GALNT5: variants seen among roughly 807,000 people sequenced by gnomAD.
The protein encoded by GALNT5 is UDP-GalNAc:polypeptide N-acetylgalactosaminyltransferase 5.
In GALNT5, 72 loss-of-function variants were observed where a neutral mutation model predicts 85.4. The observed-to-expected ratio is 0.84, with a 90% CI of 0.70 to 1.03. The LOEUF (loss-of-function observed/expected upper bound fraction) is 1.03. Ranked by LOEUF, GALNT5 falls within the 50% of genes least tolerant of loss-of-function variation. The pLI is 0.00. For missense variants in GALNT5, 1,137 were observed against 1,135.5 expected, an observed-to-expected ratio of 1.00 and a Z score of -0.02; for synonymous variants, 404 against 397.0, an observed-to-expected ratio of 1.02 and a Z score of -0.21.
In GALNT5 at chr2:157,311,559, T is replaced by C. The variant is rs558305477; in HGVS notation, c.*211T>C. The C allele has an allele frequency of 2.0e-5, 9 of 442,260 alleles. No individual in the cohort carries two copies. The South Asian group carries it at 2.6e-4, about 13-fold the overall frequency. The allele number at this position is 442,260 out of a possible 1,614,324, so 27.4% of individuals were successfully genotyped here. ...ACTGAAGTCCTTCTTCGGAACTGGG[T>C]GGCCTTTGAATTGCCTGCTTTCCAC... On this transcript the variant is annotated 3_prime_UTR_variant, in exon 10 of 10. Transcript: ENST00000259056.
At chr2:157,259,705 C>G (rs1218382035) in intron 1 of GALNT5, among the ~76,000 whole-genome samples, 169 bp downstream of exon 1, 1 of 152,202 alleles carries the variant, frequency 6.6e-6, no homozygotes, top group East Asian at 1.9e-4. Flanking sequence ...GACAAAAATT[C>G]TCTTATTAGC....
At position 157,305,657 on chromosome 2, in the gene GALNT5, T is replaced by C. The variant is rs545514555; in HGVS notation, c.2440-92T>C. ...AAGCTATTAACTTTTAACCTTATTA[T>C]AGTTTTATATTCTGTATTTTCTAAA... On this transcript the variant is annotated intron_variant, in intron 7 of 9. Transcript: ENST00000259056. The C allele has an allele frequency of 7.3e-5, 53 of 729,864 alleles. No individual in the cohort carries two copies. In the East Asian group the frequency reaches 1.4e-3, roughly 19 times the overall value. The allele number at this position is 729,864 out of a possible 1,614,324, so 45.2% of individuals were successfully genotyped here. A position where few individuals can be genotyped will look rare whatever the true frequency, so the allele number is the denominator to read the frequency against.
chr2:157,305,877 A>G, intron 8 of GALNT5, 48 bp downstream of exon 8: 1 of 969,280 alleles, frequency 1.0e-6, no homozygotes, highest in Non-Finnish European at 1.6e-6. Flanking sequence ...GGTGCAGGGT[A>G]TGACACATTC....
Position 157,317,740 on chromosome 2 carries a change from C to T in GALNT5, c.*6392C>T, listed in dbSNP as rs1252882810. 2.0e-5 allele frequency among the ~76,000 whole-genome samples: 3 copies of T among 152,098 alleles called. No homozygotes were observed. Among genetic ancestry groups the T allele is most frequent in the Admixed American group, 1.3e-4 (2 of 15,266 alleles). On this transcript the variant is annotated 3_prime_UTR_variant, in exon 10 of 10. Transcript: ENST00000259056. ...TTTCTAAATTCATTTCCAAAATTCT[C>T]CTGTGCTGGCAGTTAGCTACTAGAG...
intron 1 of GALNT5, among the ~76,000 whole-genome samples, chr2:157,267,106 G>A (rs1682473425): frequency 6.6e-6 from 1 of 152,156 alleles, no homozygotes; most frequent in African/African-American, 2.4e-5. Flanking sequence ...TTGGGAAAAA[G>A]GAGATAAAAA....
chr2:157,290,965 A>G (rs1472931783), intron 3 of GALNT5, among the ~76,000 whole-genome samples: 1 of 152,192 alleles, frequency 6.6e-6, no homozygotes, highest in Non-Finnish European at 1.5e-5. Context: ...TCAGGCAAAA[A>G]GATTAGGTCC....
In GALNT5 at chr2:157,287,142, G is replaced by A. The variant is rs140920618; in HGVS notation, c.1741+1008G>A. ...AGTATTGTTGATACTAACTTTGTTA[G>A]TTAAGATGTTGACAGCTAAACCTTT... On this transcript the variant is annotated intron_variant, in intron 3 of 9. Transcript: ENST00000259056. Among the ~76,000 whole-genome samples the A allele has an allele frequency of 8.0e-3, 1,219 of 152,258 alleles. 11 individuals carry two copies. Among genetic ancestry groups the A allele is most frequent in the Admixed American group, 0.01 (155 of 15,296 alleles).
intron 1 of GALNT5, among the ~76,000 whole-genome samples, chr2:157,260,426 C>T (rs1682311539): frequency 6.6e-6 from 1 of 152,206 alleles, no homozygotes; most frequent in Non-Finnish European, 1.5e-5. Context: ...ACTATATCAC[C>T]AGATGTGGAT....
intron 4 of GALNT5, 83 bp from the exon 5 acceptor site, chr2:157,296,311 T>C: frequency 9.4e-7 from 1 of 1,062,382 alleles, no homozygotes; most frequent in East Asian, 2.4e-5. Context: ...ATTCATTTGA[T>C]TACATCGTGA....
chr2:157,289,373 T>C (rs941244010), intron 3 of GALNT5, among the ~76,000 whole-genome samples: 1 of 152,222 alleles, frequency 6.6e-6, no homozygotes, highest in Non-Finnish European at 1.5e-5. Flanking sequence ...TGTCAAACCA[T>C]TTTGACAATG....
intron 1 of GALNT5, among the ~76,000 whole-genome samples, chr2:157,275,989 T>C (rs1023804161): frequency 6.6e-6 from 1 of 152,178 alleles, no homozygotes; most frequent in Non-Finnish European, 1.5e-5. Context: ...TTTTGAGATA[T>C]GTTCCATCAA....
intron 1 of GALNT5, among the ~76,000 whole-genome samples, chr2:157,260,473 G>A (rs1485786141): frequency 6.6e-6 from 1 of 152,156 alleles, no homozygotes; most frequent in Non-Finnish European, 1.5e-5. Flanking sequence ...AAATATAATT[G>A]GGTTCCTGGC....
chr2:157,315,943 G>A lies in GALNT5; in HGVS notation c.*4595G>A, dbSNP rs1208728232. On this transcript the variant is annotated 3_prime_UTR_variant, in exon 10 of 10. Transcript: ENST00000259056. The stretch of plus-strand genomic sequence containing the variant: ...AGAGGGTTTTCTGGGTTTGGGGCAA[G>A]ATTTGATTGATTTCATACAGAGGCT... Among the ~76,000 whole-genome samples the A allele has an allele frequency of 1.3e-5, 2 of 152,140 alleles. No individual in the cohort carries two copies. The highest frequency in any genetic ancestry group is 6.5e-5 in the Admixed American group (1 of 15,270).
At position 157,318,332 on chromosome 2, in the gene GALNT5, G is replaced by T. The variant is rs184768730; in HGVS notation, c.*6984G>T. 2.0e-5 allele frequency among the ~76,000 whole-genome samples: 3 copies of T among 152,208 alleles called. No individual in the cohort carries two copies. Among genetic ancestry groups the T allele is most frequent in the Admixed American group, 2.0e-4 (3 of 15,280 alleles). ...ATGATTACAGAGATTTCTTCAAGTTGTTCGTGTTAAGATGCATCTTAAACA... is the reference window on the plus strand; with the variant it reads ...ATGATTACAGAGATTTCTTCAAGTTTTTCGTGTTAAGATGCATCTTAAACA... On this transcript the variant is annotated 3_prime_UTR_variant, in exon 10 of 10. Coordinates refer to ENST00000259056, the MANE Select transcript of GALNT5 (RefSeq NM_014568.3).
rs1683651073 is a variant in GALNT5 at position 157,314,458 on chromosome 2, G to T, written c.*3110G>T. On this transcript the variant is annotated 3_prime_UTR_variant, in exon 10 of 10. Coordinates refer to ENST00000259056, the MANE Select transcript of GALNT5 (RefSeq NM_014568.3). ...GCATCAAATTTGCTTAATACTGCTT[G>T]TTGACATCCCCTCAGCTGTCATTCA... 2.6e-5 allele frequency among the ~76,000 whole-genome samples: 4 copies of T among 152,136 alleles called. No individual in the cohort carries two copies. The South Asian group carries it at 8.3e-4, about 32-fold the overall frequency.
intron 1 of GALNT5, among the ~76,000 whole-genome samples, chr2:157,280,496 A>T (rs1305111328): frequency 6.6e-6 from 1 of 152,258 alleles, no homozygotes; most frequent in Non-Finnish European, 1.5e-5. Context: ...TCCTACTGAC[A>T]TCTTGGTTTT....
Position 157,258,904 on chromosome 2 carries a change from G to A in GALNT5, c.822G>A (p.Thr274=), listed in dbSNP as rs779902598. 1.9e-5 allele frequency: 29 copies of A among 1,560,212 alleles called. No individual in the cohort carries two copies. Among genetic ancestry groups the A allele is most frequent in the Non-Finnish European group, 2.3e-5 (27 of 1,157,272 alleles). ...ATGCAAATAAACACAAAGCCAATAC[G>A]AGTCTTCCTTTTCCTAAGTTCACTG... is the stretch of plus-strand genomic sequence containing the variant. ...EVNANKHKAN[T]SLPFPKFTVN... is the part of the protein sequence containing the mutation. Residue 274 remains threonine, a synonymous_variant, in exon 1 of 10, where the codon ACG becomes ACA. Transcript: ENST00000259056.
Position 157,313,925 on chromosome 2 carries a change from C to G in GALNT5, c.*2577C>G, listed in dbSNP as rs1234252797. Reference sequence around the variant, plus strand: ...TTTTCATCATATATTTGCTCAGTTACTCTAAGAAGCAAGGAACTGATCACT... The same window carrying G: ...TTTTCATCATATATTTGCTCAGTTAGTCTAAGAAGCAAGGAACTGATCACT... On this transcript the variant is annotated 3_prime_UTR_variant, in exon 10 of 10. Transcript: ENST00000259056. 1 of 152,096 alleles carries G rather than the reference C, an allele frequency of 6.6e-6. No individual in the cohort carries two copies. The highest frequency in any genetic ancestry group is 1.5e-5 in the Non-Finnish European group (1 of 67,992). The allele number at this position is 152,096 out of a possible 1,614,324, so 9.4% of individuals were successfully genotyped here. A position where few individuals can be genotyped will look rare whatever the true frequency, so the allele number is the denominator to read the frequency against.
rs1682240270 is a variant in GALNT5 at position 157,258,376 on chromosome 2, G to A, written c.294G>A (p.Val98=). Residue 98 remains valine (V), a synonymous_variant, in exon 1 of 10, where the codon GTG becomes GTA. Transcript: ENST00000259056. ...KENVRKTEES[V]LKVEVDLDQT... ...ATGTTAGAAAAACTGAGGAGAGTGT[G>A]CTCAAGGTTGAGGTGGACTTGGACC... is the stretch of plus-strand genomic sequence containing the variant. The A allele has an allele frequency of 6.2e-7, 1 of 1,610,824 alleles. No individual in the cohort carries two copies. The highest frequency in any genetic ancestry group is 1.3e-5 in the African/African-American group (1 of 74,700).
Sources: allele counts gnomAD v4.1 joint callset (sites outside exome capture counted in the v4.1 genomes callset), GRCh38; gene constraint gnomAD v4.1.1; transcripts MANE v1.5; gene names NCBI Gene and HGNC (gene_info 2026-07-23, HGNC 2026-07-21).